The following ZNF654 variants were observed in gnomAD, a reference collection of about 807,000 sequenced individuals.
The protein encoded by ZNF654 is zinc finger protein 654, also known as melanoma-associated antigen.
A neutral mutation model predicts 95.3 loss-of-function variants in ZNF654; 19 were observed. That is an observed-to-expected ratio of 0.20 (90% CI 0.14 to 0.29). The LOEUF is 0.29. ZNF654 is among the 10% of genes least tolerant of loss of function. ZNF654 has a pLI of 1.00. For missense variants in ZNF654, 1,046 were observed against 1,341.0 expected, an observed-to-expected ratio of 0.78 and a Z score of 3.44; for synonymous variants, 413 against 457.9, an observed-to-expected ratio of 0.90 and a Z score of 1.25.
Position 88,129,711 on chromosome 3 carries a change from A to C in ZNF654, c.778A>C (p.Ser260Arg). Residue 260 changes from serine to arginine, a missense_variant, in exon 6 of 9, where the codon AGT (serine) becomes CGT (arginine). Physicochemically the swap from Ser to Arg is moderately radical, Grantham distance 110 (BLOSUM62 -1). Transcript: ENST00000636215. ...REHLLKTDCK[S>R]GIDIICNAEK... Reference sequence around the variant, plus strand: ...GCATTTATTGAAAACTGATTGTAAGAGTGGAATTGATATCATCTGTAATGC... The same window carrying C: ...GCATTTATTGAAAACTGATTGTAAGCGTGGAATTGATATCATCTGTAATGC... The C allele has an allele frequency of 6.6e-7, 1 of 1,506,834 alleles. No individual in the cohort carries two copies. Among genetic ancestry groups the C allele is most frequent in the Non-Finnish European group, 8.9e-7 (1 of 1,128,202 alleles). The allele number at this position is 1,506,834 out of a possible 1,614,324, so 93.3% of individuals were successfully genotyped here.
Position 88,139,425 on chromosome 3 carries a change from C to T in ZNF654, c.1756C>T (p.Leu586Phe), listed in dbSNP as rs758133144. Residue 586 changes from leucine (L) to phenylalanine (F), a missense_variant, in exon 8 of 9, where the codon CTT becomes TTT. Physicochemically the swap from Leu to Phe is conservative, Grantham distance 22 (BLOSUM62 0). Around this residue, in one of 9 missense-constraint regions of ZNF654, gnomAD observed 495 missense variants for 537.0 expected, o/e 0.92. Coordinates refer to ENST00000636215, the MANE Select transcript of ZNF654 (RefSeq NM_001350134.2). ...TGGTAGGAAATTTAGAAACAGAGGA[C>T]TTATGCAGAAGCATTTGAAGAATCA... ...ICGRKFRNRGLMQKHLKNHVK... is the reference protein window; with the variant it reads ...ICGRKFRNRGFMQKHLKNHVK... 1.4e-5 allele frequency: 22 copies of T among 1,613,696 alleles called. No individual in the cohort carries two copies. In the Admixed American group the frequency reaches 3.7e-4, roughly 27 times the overall value.
At chr3:88,122,113 A>T (rs1251682108) in intron 3 of ZNF654, among the ~76,000 whole-genome samples, 1 of 152,164 alleles carries the variant, frequency 6.6e-6, no homozygotes, top group African/African-American at 2.4e-5. Context: ...AATTAAGTTT[A>T]TTATGGATTA....
intron 1 of ZNF654, among the ~76,000 whole-genome samples, chr3:88,069,504 T>C (rs1707388922): frequency 6.6e-6 from 1 of 152,200 alleles, no homozygotes; most frequent in African/African-American, 2.4e-5. Flanking sequence ...ATAGTAACAA[T>C]GGCTCAGTTA....
chr3:88,120,771 AAAT>A (rs776460361), intron 3 of ZNF654, among the ~76,000 whole-genome samples: 14 of 150,870 alleles, frequency 9.3e-5, no homozygotes, highest in East Asian at 2.0e-4. Flanking sequence ...GATGAAACTA[AAAT>A]AATGTTTTAA....
chr3:88,097,822 C>T (rs918376977), intron 2 of ZNF654, among the ~76,000 whole-genome samples: 6 of 152,174 alleles, frequency 3.9e-5, no homozygotes, highest in African/African-American at 1.4e-4. Flanking sequence ...ATCTGCGACA[C>T]ATTTAAAGCA....
chr3:88,109,037 C>T (rs2107748639), intron 2 of ZNF654, among the ~76,000 whole-genome samples: 1 of 151,920 alleles, frequency 6.6e-6, no homozygotes, highest in South Asian at 2.1e-4. Flanking sequence ...TGAACAGAAA[C>T]ATGTTCAAAT....
At chr3:88,083,754 A>G (rs1361766813) in intron 1 of ZNF654, among the ~76,000 whole-genome samples, 1 of 152,154 alleles carries the variant, frequency 6.6e-6, no homozygotes, top group South Asian at 2.1e-4. Flanking sequence ...TAGCAGCTTC[A>G]GCGTTATCCT....
At chr3:88,074,975 T>C (rs1420126775) in intron 1 of ZNF654, among the ~76,000 whole-genome samples, 1 of 152,200 alleles carries the variant, frequency 6.6e-6, no homozygotes, top group African/African-American at 2.4e-5. Flanking sequence ...CTGTTTGCCA[T>C]ATTTTGTGGA....
chr3:88,134,641 A>C (rs1232482343), intron 6 of ZNF654, among the ~76,000 whole-genome samples: 1 of 152,124 alleles, frequency 6.6e-6, no homozygotes, highest in East Asian at 1.9e-4. Context: ...TTGATATCTT[A>C]ATAAATTGAA....
chr3:88,126,888 C>T (rs1706139373), intron 4 of ZNF654, among the ~76,000 whole-genome samples: 1 of 151,932 alleles, frequency 6.6e-6, no homozygotes, highest in African/African-American at 2.4e-5. Flanking sequence ...TGTCTTATAC[C>T]CTTACTACCT....
At chr3:88,112,458 A>G (rs774413716) in intron 2 of ZNF654, among the ~76,000 whole-genome samples, 3 of 151,876 alleles carry the variant, frequency 2.0e-5, no homozygotes, top group Non-Finnish European at 4.4e-5. Flanking sequence ...TTCTTTATGA[A>G]TCATAAATTA....
At chr3:88,128,573 C>T (rs1226437782) in intron 4 of ZNF654, among the ~76,000 whole-genome samples, 2 of 151,884 alleles carry the variant, frequency 1.3e-5, no homozygotes, top group East Asian at 3.9e-4. Context: ...CTGTTATTTA[C>T]TTTTTAGACT....
At chr3:88,131,516 C>G (rs1480272897) in intron 6 of ZNF654, among the ~76,000 whole-genome samples, 7 of 152,108 alleles carry the variant, frequency 4.6e-5, no homozygotes, top group Non-Finnish European at 1.0e-4. Flanking sequence ...CAAGTATACA[C>G]AAACACACAC....
chr3:88,075,882 C>T (rs183077366), intron 1 of ZNF654, among the ~76,000 whole-genome samples: 1 of 152,280 alleles, frequency 6.6e-6, no homozygotes, highest in East Asian at 1.9e-4. Flanking sequence ...ATTTTGCTCA[C>T]TCTTGTATCT....
intron 2 of ZNF654, among the ~76,000 whole-genome samples, chr3:88,102,320 C>T (rs1704474119): frequency 1.3e-5 from 2 of 152,122 alleles, no homozygotes; most frequent in Admixed American, 6.6e-5. Flanking sequence ...CAACAGCTGT[C>T]TTGCAGCTCA....
At chr3:88,066,613 T>C (rs1369079494) in intron 1 of ZNF654, among the ~76,000 whole-genome samples, 1 of 152,016 alleles carries the variant, frequency 6.6e-6, no homozygotes, top group Non-Finnish European at 1.5e-5. Context: ...TTTAATTTTG[T>C]AGATAAAATG....
intron 2 of ZNF654, among the ~76,000 whole-genome samples, chr3:88,094,389 T>A (rs878903823): frequency 3.3e-5 from 5 of 152,118 alleles, no homozygotes; most frequent in African/African-American, 4.8e-5. Flanking sequence ...TATAGTTGTT[T>A]TATGAGCAAA....
intron 2 of ZNF654, among the ~76,000 whole-genome samples, chr3:88,109,282 C>T (rs922524599): frequency 2.5e-4 from 38 of 151,902 alleles, no homozygotes; most frequent in Non-Finnish European, 3.4e-4. Context: ...GTCAACGTTA[C>T]CCACAATCAA....
rs1423699173 is a variant in ZNF654, at chr3:88,059,456, G to A, written c.137G>A (p.Gly46Asp). ...GGCGGCGCTGGCAGCGGCAACTGCG[G>A]CGGCGGCGTCGGAATCAGCAGTCGG... ...GRGGAGSGNC[G>D]GGVGISSRDY... is the part of the protein sequence containing the mutation. The change falls in exon 1 of 9, where the codon GGC (glycine) becomes GAC (aspartate). Residue 46 changes from glycine (G) to aspartate (D), a missense_variant. Gly to Asp is a moderately conservative substitution (Grantham distance 94). Transcript: ENST00000636215. The A allele has an allele frequency of 1.2e-5, 19 of 1,522,916 alleles. No individual in the cohort carries two copies. The Admixed American group carries it at 2.3e-4, about 19-fold the overall frequency. The allele number at this position is 1,522,916 out of a possible 1,614,324, so 94.3% of individuals were successfully genotyped here.
Sources: allele counts gnomAD v4.1 joint callset (sites outside exome capture counted in the v4.1 genomes callset), GRCh38; gene constraint gnomAD v4.1.1; regional missense constraint gnomAD v4.1.1; transcripts MANE v1.5; gene names NCBI Gene and HGNC (gene_info 2026-07-23, HGNC 2026-07-21).